KHDRBS3: variants seen among roughly 807,000 people sequenced by gnomAD.
The protein encoded by KHDRBS3 is KH RNA binding domain containing, signal transduction associated 3, also known as KH domain-containing, RNA-binding, signal transduction-associated protein 3.
A neutral mutation model predicts 45.6 loss-of-function variants in KHDRBS3; 23 were observed. The observed-to-expected ratio is 0.50, with a 90% CI of 0.36 to 0.72. The LOEUF (loss-of-function observed/expected upper bound fraction) is 0.72. Among genes scored for constraint, KHDRBS3 ranks in the 30% least tolerant of loss-of-function variants. KHDRBS3 has a pLI of 0.00. For synonymous variants in KHDRBS3, 162 were observed against 156.5 expected (o/e 1.04, Z -0.26); for missense variants, 352 against 424.8 (o/e 0.83, Z 1.51).
At position 135,609,221 on chromosome 8, in the gene KHDRBS3, C is replaced by T. The variant is rs573552942; in HGVS notation, c.890+2184C>T. On this transcript the variant is annotated intron_variant, in intron 7 of 8. Coordinates refer to ENST00000355849, the MANE Select transcript of KHDRBS3 (RefSeq NM_006558.3). Reference sequence around the variant, plus strand: ...TTGTAATAATACTTAGCTTAAAACACAAATACATTGTACAGCTGTACAAAT... The same window carrying T: ...TTGTAATAATACTTAGCTTAAAACATAAATACATTGTACAGCTGTACAAAT... Among the ~76,000 whole-genome samples the T allele has an allele frequency of 2.6e-5, 4 of 152,136 alleles. No homozygotes were observed. The East Asian group carries it at 7.7e-4, about 29-fold the overall frequency.
intron 7 of KHDRBS3, among the ~76,000 whole-genome samples, chr8:135,623,016 T>G (rs1813230395): frequency 6.6e-6 from 1 of 152,204 alleles, no homozygotes. Flanking sequence ...GGAACCTCAG[T>G]CTGTGCTAAC....
At chr8:135,506,404 C>CT (rs35050617) in intron 1 of KHDRBS3, among the ~76,000 whole-genome samples, 2,560 of 139,744 alleles carry the variant, frequency 0.018, 26 homozygotes, top group Non-Finnish European at 0.028. Flanking sequence ...TAACATTCCT[C>CT]TTTTTTTTTT....
chr8:135,628,672 A>C (rs1035189967), intron 7 of KHDRBS3, among the ~76,000 whole-genome samples: 2 of 152,256 alleles, frequency 1.3e-5, no homozygotes, highest in East Asian at 3.9e-4. Flanking sequence ...CTAGCATCAG[A>C]TAGTAGTAGT....
At chr8:135,554,633 A>G (rs956800652) in intron 4 of KHDRBS3, among the ~76,000 whole-genome samples, 68 of 152,276 alleles carry the variant, frequency 4.5e-4, no homozygotes, top group African/African-American at 1.5e-3. Flanking sequence ...TTTCCTGTCA[A>G]TCACAGTTAC....
chr8:135,589,037 G>C (rs2130954108), intron 6 of KHDRBS3, among the ~76,000 whole-genome samples: 1 of 152,260 alleles, frequency 6.6e-6, no homozygotes, highest in Non-Finnish European at 1.5e-5. Context: ...ATGAATAGCT[G>C]TTTGATTTCA....
chr8:135,512,426 A>AG (rs1824334798), intron 1 of KHDRBS3, among the ~76,000 whole-genome samples: 2 of 42,576 alleles, frequency 4.7e-5, no homozygotes, highest in Admixed American at 2.7e-4. Context: ...TGTTTGGAAA[A>AG]GTCGGGGGGG....
chr8:135,493,140 C>T (rs944486444), intron 1 of KHDRBS3, among the ~76,000 whole-genome samples: 5 of 151,658 alleles, frequency 3.3e-5, no homozygotes, highest in Non-Finnish European at 5.9e-5. Context: ...TGCAGTGGCA[C>T]GATCTCGGCT....
At chr8:135,480,245 T>G (rs1401016258) in intron 1 of KHDRBS3, among the ~76,000 whole-genome samples, 1 of 152,186 alleles carries the variant, frequency 6.6e-6, no homozygotes, top group Non-Finnish European at 1.5e-5. Flanking sequence ...AAAGATGTTG[T>G]CTTTACCACT....
intron 7 of KHDRBS3, chr8:135,625,447 C>T (rs1830316137): frequency 1.3e-6 from 1 of 773,988 alleles, no homozygotes. Flanking sequence ...GTCTTTCACA[C>T]CACACCAGGG....
At chr8:135,513,816 C>T (rs1047043346) in intron 1 of KHDRBS3, among the ~76,000 whole-genome samples, 3 of 152,042 alleles carry the variant, frequency 2.0e-5, no homozygotes, top group Non-Finnish European at 2.9e-5. Flanking sequence ...ATTTAATCAT[C>T]TTAGGCTTCA....
chr8:135,604,321 AGT>A (rs942922611), intron 6 of KHDRBS3, among the ~76,000 whole-genome samples: 15 of 152,040 alleles, frequency 9.9e-5, no homozygotes, highest in African/African-American at 3.4e-4. Context: ...TTTGAACTAA[AGT>A]GTGTCTCTTG....
At chr8:135,567,251 T>C (rs1827469276) in intron 5 of KHDRBS3, among the ~76,000 whole-genome samples, 1 of 151,856 alleles carries the variant, frequency 6.6e-6, no homozygotes. Flanking sequence ...TCAGTAAAAC[T>C]TCATCCTAGA....
rs371806665 is a variant in KHDRBS3 at position 135,647,110 on chromosome 8, G to A, written c.*26G>A. ...TTGTACTGTCTGATGTTGTGAAATAGCCAATCTCCACCAGTCCTGTATACT... is the reference window on the plus strand; with the variant it reads ...TTGTACTGTCTGATGTTGTGAAATAACCAATCTCCACCAGTCCTGTATACT... On this transcript the variant is annotated 3_prime_UTR_variant, in exon 9 of 9. Coordinates refer to ENST00000355849, the MANE Select transcript of KHDRBS3 (RefSeq NM_006558.3). 2.4e-6 allele frequency: 3 copies of A among 1,255,406 alleles called. No homozygotes were observed. The highest frequency in any genetic ancestry group is 2.3e-5 in the East Asian group (1 of 43,148). The allele number at this position is 1,255,406 out of a possible 1,614,324, so 77.8% of individuals were successfully genotyped here.
At chr8:135,516,473 C>A (rs1365089419) in intron 1 of KHDRBS3, among the ~76,000 whole-genome samples, 1 of 152,086 alleles carries the variant, frequency 6.6e-6, no homozygotes, top group East Asian at 1.9e-4. Flanking sequence ...AGACCACTGT[C>A]ATATATGTTG....
chr8:135,542,639 G>C lies in KHDRBS3; in HGVS notation c.208-15G>C, dbSNP rs772650816. 2 of 1,563,680 alleles carry C rather than the reference G, an allele frequency of 1.3e-6. No individual in the cohort carries two copies. The highest frequency in any genetic ancestry group is 1.8e-6 in the Non-Finnish European group (2 of 1,135,802). On this transcript the variant is annotated splice_polypyrimidine_tract_variant and intron_variant, in intron 2 of 8. Coordinates refer to ENST00000355849, the MANE Select transcript of KHDRBS3 (RefSeq NM_006558.3). The stretch of plus-strand genomic sequence containing the variant: ...ACATATAAATGCTACAAATTTGGTT[G>C]TTTATTTTTCCTAGTTCAACTTTGT...
intron 6 of KHDRBS3, among the ~76,000 whole-genome samples, chr8:135,584,086 G>A (rs1379427700): frequency 6.6e-6 from 1 of 152,156 alleles, no homozygotes; most frequent in African/African-American, 2.4e-5. Context: ...TCCAGAACCA[G>A]ACAAAGGTTT....
chr8:135,642,318 C>T (rs1455690542), intron 7 of KHDRBS3, among the ~76,000 whole-genome samples: 4 of 152,186 alleles, frequency 2.6e-5, no homozygotes, highest in Non-Finnish European at 4.4e-5. Context: ...TGACCCTGGG[C>T]AGATGGCTCA....
intron 6 of KHDRBS3, among the ~76,000 whole-genome samples, chr8:135,587,116 T>G (rs6981848): frequency 0.97 from 147,811 of 152,272 alleles, 71,883 homozygotes; most frequent in East Asian, 1. Flanking sequence ...TTGACAATTC[T>G]CAGGTATTTC....
rs1370192967 is a variant in KHDRBS3, at chr8:135,483,361, A to G, written c.88+25407A>G. On this transcript the variant is annotated intron_variant, in intron 1 of 8. Coordinates refer to ENST00000355849, the MANE Select transcript of KHDRBS3 (RefSeq NM_006558.3). ...AAAGCATGATGGATTGTGGCAAGTA[A>G]ACACATTCTGCTGCCATTAGTGGTT... Among the ~76,000 whole-genome samples the G allele has an allele frequency of 2.0e-5, 3 of 152,174 alleles. No homozygotes were observed. The East Asian group carries it at 5.8e-4, about 29-fold the overall frequency.
Sources: allele counts gnomAD v4.1 joint callset (sites outside exome capture counted in the v4.1 genomes callset), GRCh38; gene constraint gnomAD v4.1.1; transcripts MANE v1.5; gene names NCBI Gene and HGNC (gene_info 2026-07-23, HGNC 2026-07-21).